ABCC4: variants seen among roughly 807,000 people sequenced by gnomAD.
ABCC4 encodes ATP-binding cassette sub-family C member 4.
In ABCC4, 102 loss-of-function variants were observed where a neutral mutation model predicts 168.5. The observed-to-expected ratio is 0.61, with a 90% CI of 0.52 to 0.71. The LOEUF (loss-of-function observed/expected upper bound fraction) is 0.71, where lower values mean the gene tolerates loss of function less well. ABCC4 is among the 30% of genes least tolerant of loss of function. The probability of loss-of-function intolerance (pLI) is 0.00; values close to 1 mark genes in which losing one functional copy is unlikely to be tolerated. For synonymous variants in ABCC4, 617 were observed against 590.7 expected, an observed-to-expected ratio of 1.04 and a Z score of -0.65; for missense variants, 1,402 against 1,605.8, an observed-to-expected ratio of 0.87 and a Z score of 2.17.
intron 4 of ABCC4, among the ~76,000 whole-genome samples, chr13:95,224,554 T>C (rs952098397): frequency 6.6e-6 from 1 of 152,006 alleles, no homozygotes; most frequent in Admixed American, 6.6e-5. Flanking sequence ...CTGGGTAACA[T>C]AGCAAAACCC....
intron 3 of ABCC4, among the ~76,000 whole-genome samples, chr13:95,241,796 G>T (rs1307258314): frequency 6.6e-6 from 1 of 152,114 alleles, no homozygotes; most frequent in African/African-American, 2.4e-5. Context: ...CCGCAAACTG[G>T]TGTCACCATC....
intron 1 of ABCC4, among the ~76,000 whole-genome samples, chr13:95,248,876 A>T (rs1316680433): frequency 6.6e-6 from 1 of 152,116 alleles, no homozygotes; most frequent in African/African-American, 2.4e-5. Flanking sequence ...CATCTCTAGT[A>T]AGAAAATATA....
rs139850112 is a variant in ABCC4, at chr13:95,236,848, G to A, written c.307-2014C>T. The stretch of plus-strand genomic sequence containing the variant: ...AGTACAATGGGTCATAACACGGACT[G>A]TTTAGAGTTTACTGAGATGAAAATC... On this transcript the variant is annotated intron_variant, in intron 3 of 30. Transcript: ENST00000645237. Among the ~76,000 whole-genome samples the A allele has an allele frequency of 1.5e-3, 236 of 152,308 alleles. 1 individual carries two copies. Among genetic ancestry groups the A allele is most frequent in the Middle Eastern group, 0.014 (4 of 294 alleles).
At chr13:95,034,809 A>G in intron 29 of ABCC4, 70 bp from the exon 30 acceptor site, 2 of 1,605,384 alleles carry the variant, frequency 1.2e-6, no homozygotes, top group Non-Finnish European at 8.5e-7. Flanking sequence ...CAGAGACAAT[A>G]TTTCGGAAAG....
chr13:95,159,136 T>C (rs1750993), intron 19 of ABCC4, among the ~76,000 whole-genome samples: 28,875 of 128,558 alleles, frequency 0.22, 4,369 homozygotes, highest in African/African-American at 0.41. Flanking sequence ...TATATATAAC[T>C]ATTGAAGTGC....
intron 1 of ABCC4, among the ~76,000 whole-genome samples, chr13:95,286,256 A>C (rs2041254609): frequency 6.6e-6 from 1 of 150,426 alleles, no homozygotes; most frequent in Non-Finnish European, 1.5e-5. Flanking sequence ...AGAAGCTGGG[A>C]TTACAGGCGC....
At chr13:95,241,238 A>G (rs1488396111) in intron 3 of ABCC4, among the ~76,000 whole-genome samples, 2 of 150,454 alleles carry the variant, frequency 1.3e-5, no homozygotes, top group East Asian at 2.0e-4. Context: ...GGTGGCGCAC[A>G]CCTGTAGTCC....
At chr13:95,057,488 T>C (rs1056206956) in intron 26 of ABCC4, among the ~76,000 whole-genome samples, 1 of 152,200 alleles carries the variant, frequency 6.6e-6, no homozygotes, top group Non-Finnish European at 1.5e-5. Flanking sequence ...TCCACCCTCC[T>C]TGGCCTCCCA....
At chr13:95,188,368 G>T in intron 10 of ABCC4, 85 bp downstream of exon 10, 1 of 1,237,120 alleles carries the variant, frequency 8.1e-7, no homozygotes, top group Non-Finnish European at 1.2e-6. Flanking sequence ...TCAAAATTGT[G>T]TTACACGTAG....
chr13:95,219,765 C>T (rs971790738), intron 4 of ABCC4, among the ~76,000 whole-genome samples: 5 of 152,180 alleles, frequency 3.3e-5, no homozygotes, highest in Non-Finnish European at 7.3e-5. Flanking sequence ...GCAATGCTCC[C>T]GCCTTGGCTT....
chr13:95,133,566 C>A (rs1199217862), intron 19 of ABCC4, among the ~76,000 whole-genome samples: 1 of 152,162 alleles, frequency 6.6e-6, no homozygotes, highest in Non-Finnish European at 1.5e-5. Flanking sequence ...AGAGGAGGTA[C>A]CTGCTGTGGT....
At chr13:95,239,771 A>C (rs576788617) in intron 3 of ABCC4, among the ~76,000 whole-genome samples, 1 of 152,376 alleles carries the variant, frequency 6.6e-6, no homozygotes, top group South Asian at 2.1e-4. Context: ...TTTAAAAAAA[A>C]ATAACAAAAT....
intron 4 of ABCC4, among the ~76,000 whole-genome samples, chr13:95,214,884 C>CA (rs60962674): frequency 0.024 from 2,083 of 88,490 alleles, 70 homozygotes; most frequent in African/African-American, 0.075. Context: ...GACTCCAATT[C>CA]AAAAAAAAAA....
chr13:95,165,760 C>A (rs926691575), intron 15 of ABCC4, among the ~76,000 whole-genome samples: 1 of 152,218 alleles, frequency 6.6e-6, no homozygotes, highest in Non-Finnish European at 1.5e-5. Context: ...TGGCTAATTT[C>A]ATGTGGCCCA....
intron 26 of ABCC4, among the ~76,000 whole-genome samples, chr13:95,058,670 C>T (rs531234503): frequency 3.5e-4 from 52 of 150,472 alleles, no homozygotes; most frequent in South Asian, 2.3e-3. Context: ...CAAATACTTA[C>T]TGAAAAAAAA....
At chr13:95,095,987 A>T in intron 20 of ABCC4, 1 of 396,708 alleles carries the variant, frequency 2.5e-6, no homozygotes. Context: ...ATAAACATAA[A>T]AAGATGAAAA....
intron 19 of ABCC4, among the ~76,000 whole-genome samples, chr13:95,156,613 C>T (rs995025374): frequency 6.6e-6 from 1 of 152,116 alleles, no homozygotes. Context: ...CGAACAGTAC[C>T]AGAAAATATC....
chr13:95,122,775 T>C (rs2035618468), intron 19 of ABCC4, among the ~76,000 whole-genome samples: 1 of 152,110 alleles, frequency 6.6e-6, no homozygotes, highest in African/African-American at 2.4e-5. Context: ...GCGAGTGCCT[T>C]TATACTGGAC....
At chr13:95,296,657 C>T (rs1244778501) in intron 1 of ABCC4, among the ~76,000 whole-genome samples, 35 of 152,140 alleles carry the variant, frequency 2.3e-4, no homozygotes, top group Admixed American at 2.3e-3. Context: ...AAAAGTCCTT[C>T]GTTGTTAGCC....
Sources: gnomAD v4.1 joint callset for allele counts (sites outside exome capture counted in the v4.1 genomes callset) on GRCh38, gnomAD v4.1.1 for gene constraint, MANE v1.5 for transcripts, NCBI Gene and HGNC (gene_info 2026-07-23, HGNC 2026-07-21) for gene names.